Variants in EXPH5 observed in about 807,000 individuals in gnomAD.
EXPH5 encodes the protein exophilin-5.
Under a neutral mutation model 41.1 loss-of-function variants are expected in EXPH5, and 42 were observed. The ratio of observed to expected loss-of-function variants is 1.02; its 90% CI spans 0.80 to 1.32. The LOEUF (loss-of-function observed/expected upper bound fraction) is 1.32, where lower values mean the gene tolerates loss of function less well. Among genes scored for constraint, EXPH5 ranks in the 40% most tolerant of loss-of-function variants. The pLI is 0.00. For synonymous variants in EXPH5, 798 were observed against 833.5 expected (o/e 0.96, Z 0.73); for missense variants, 2,298 against 2,314.5 (o/e 0.99, Z 0.15).
chr11:108,604,365 C>T, the EXPH5 span, among the ~76,000 whole-genome samples: 1 of 152,050 alleles, frequency 6.6e-6, no homozygotes, highest in Non-Finnish European at 1.5e-5. Context: ...CACTGCATTC[C>T]AGCCTGGGTA....
At chr11:108,554,523 C>T (rs1453692634) in intron 1 of EXPH5, among the ~76,000 whole-genome samples, 1 of 152,108 alleles carries the variant, frequency 6.6e-6, no homozygotes, top group Admixed American at 6.6e-5. Flanking sequence ...GTCATTGTGA[C>T]CTGTGAAATG....
chr11:108,600,075 C>T, the EXPH5 span, among the ~76,000 whole-genome samples: 2 of 152,192 alleles, frequency 1.3e-5, no homozygotes, highest in Non-Finnish European at 2.9e-5. Flanking sequence ...CTTTCCTATG[C>T]TTTCCCTTCT....
Position 108,541,674 on chromosome 11 carries a change from T to C in EXPH5, c.258A>G (p.Leu86=), listed in dbSNP as rs1194859470. ...QMLKQPLTYR[L]SKEMAKNDPI... ...TACCATTTTTTGCCATCTCCTTACTTAGCCTGTATGTAAGTGGTTGTTTTA... is the reference window on the plus strand; with the variant it reads ...TACCATTTTTTGCCATCTCCTTACTCAGCCTGTATGTAAGTGGTTGTTTTA... The change falls in exon 2 of 6, where the codon CTA becomes CTG. Residue 86 remains leucine (L), a synonymous_variant. Transcript: ENST00000265843. 6 of 1,600,680 alleles carry C rather than the reference T, an allele frequency of 3.7e-6. No individual in the cohort carries two copies.
At chr11:108,593,268 G>T (rs2094132610) in intron 1 of EXPH5, 150 bp downstream of exon 1, 1 of 645,144 alleles carries the variant, frequency 1.6e-6, no homozygotes, top group Non-Finnish European at 2.8e-6. Flanking sequence ...GCAACTCCGC[G>T]CAGTTTTCTC....
chr11:108,514,011 G>C lies in EXPH5; in HGVS notation c.1496C>G (p.Ser499Ter). The change falls in exon 6 of 6, where the codon TCA (serine) becomes TGA (stop). Residue 499 changes from serine to a stop codon, truncating the protein, a stop_gained. Transcript: ENST00000265843. LOFTEE classifies it low-confidence loss of function (END_TRUNC). ...AAAGTCTCTGTCAGAAGAACTGAAT[G>C]ATTTCCTGCTTCGATGAAAGTCAGA... ...FWSDFHRSRK[S>*]FSSSDRDFEM... is the part of the protein sequence containing the mutation. The C allele has an allele frequency of 6.2e-7, 1 of 1,613,784 alleles. No homozygotes were observed. Among genetic ancestry groups the C allele is most frequent in the Non-Finnish European group, 8.5e-7 (1 of 1,179,878 alleles).
chr11:108,557,536 C>T (rs1164432738), intron 1 of EXPH5, among the ~76,000 whole-genome samples: 3 of 151,986 alleles, frequency 2.0e-5, no homozygotes, highest in African/African-American at 2.4e-5. Context: ...TTAGTGGATA[C>T]GGGGTTTTGG....
chr11:108,569,184 C>A (rs1201176760), intron 1 of EXPH5, among the ~76,000 whole-genome samples: 1 of 152,118 alleles, frequency 6.6e-6, no homozygotes, highest in African/African-American at 2.4e-5. Context: ...CCTTTATTCA[C>A]CTGTTACCTC....
At chr11:108,542,606 G>A (rs889240265) in intron 1 of EXPH5, among the ~76,000 whole-genome samples, 2 of 152,192 alleles carry the variant, frequency 1.3e-5, no homozygotes, top group African/African-American at 2.4e-5. Flanking sequence ...GGCCCAGGTA[G>A]GCAATGGATT....
intron 1 of EXPH5, among the ~76,000 whole-genome samples, chr11:108,586,758 G>A (rs2094114633): frequency 1.3e-5 from 2 of 151,098 alleles, no homozygotes; most frequent in South Asian, 4.2e-4. Flanking sequence ...TTGGGGTGCA[G>A]AGAATTTGGT....
At chr11:108,601,271 G>C in the EXPH5 span, among the ~76,000 whole-genome samples, 1 of 152,152 alleles carries the variant, frequency 6.6e-6, no homozygotes, top group Non-Finnish European at 1.5e-5. Context: ...TCACATGATG[G>C]TATGTATCAT....
chr11:108,595,141 C>T (rs1477608951), upstream of EXPH5, among the ~76,000 whole-genome samples: 2 of 152,178 alleles, frequency 1.3e-5, no homozygotes, highest in East Asian at 1.9e-4. Context: ...TATCAGTGAA[C>T]TGATTTCAAC....
At chr11:108,557,145 A>G (rs112640126) in intron 1 of EXPH5, among the ~76,000 whole-genome samples, 6 of 152,280 alleles carry the variant, frequency 3.9e-5, no homozygotes, top group African/African-American at 1.4e-4. Flanking sequence ...AAAATAGATT[A>G]TTCCTTCTCC....
intron 1 of EXPH5, among the ~76,000 whole-genome samples, chr11:108,581,121 T>C (rs2094096709): frequency 6.6e-6 from 1 of 152,024 alleles, no homozygotes; most frequent in African/African-American, 2.4e-5. Flanking sequence ...CCAGGCAACA[T>C]GGCGAAACCC....
Position 108,522,190 on chromosome 11 carries a change from ATT to A in EXPH5, c.493-3819_493-3818del, listed in dbSNP as rs548026475. 8.3e-3 allele frequency among the ~76,000 whole-genome samples: 1,219 copies of A among 146,130 alleles called. 16 individuals carry two copies. Among genetic ancestry groups the A allele is most frequent in the African/African-American group, 0.028 (1,144 of 40,182 alleles). ...TAACTCTGCAAGGGTGAGGTTAGTG[ATT>A]TTTTTTTTTTTTAAAAAAGGAACTG... is the stretch of plus-strand genomic sequence containing the variant. On this transcript the variant is annotated intron_variant, in intron 4 of 5. Transcript: ENST00000265843.
chr11:108,520,267 T>G (rs2093756781), intron 4 of EXPH5, among the ~76,000 whole-genome samples: 1 of 152,118 alleles, frequency 6.6e-6, no homozygotes, highest in Non-Finnish European at 1.5e-5. Context: ...TGCCTGATGA[T>G]CAGAGGTGGA....
At chr11:108,581,804 A>T (rs1025589627) in intron 1 of EXPH5, among the ~76,000 whole-genome samples, 1 of 152,164 alleles carries the variant, frequency 6.6e-6, no homozygotes, top group Non-Finnish European at 1.5e-5. Flanking sequence ...AATACCAGGA[A>T]TGAAAGAGGG....
chr11:108,595,771 G>A (rs1021281202), upstream of EXPH5, among the ~76,000 whole-genome samples: 1 of 152,200 alleles, frequency 6.6e-6, no homozygotes, highest in Admixed American at 6.5e-5. Flanking sequence ...TAGAAACACT[G>A]GGCTAGTGCT....
the EXPH5 span, among the ~76,000 whole-genome samples, chr11:108,604,984 CTT>C: frequency 6.6e-6 from 1 of 151,952 alleles, no homozygotes; most frequent in East Asian, 1.9e-4. Context: ...ATGGGACTGA[CTT>C]AGAAGGAATT....
chr11:108,604,739 G>C, the EXPH5 span, among the ~76,000 whole-genome samples: 1 of 152,116 alleles, frequency 6.6e-6, no homozygotes, highest in African/African-American at 2.4e-5. Flanking sequence ...ATGCCTGAGG[G>C]TCCTGAGACC....
Sources: allele counts gnomAD v4.1 joint callset (sites outside exome capture counted in the v4.1 genomes callset), GRCh38; gene constraint gnomAD v4.1.1; transcripts MANE v1.5; gene names NCBI Gene and HGNC (gene_info 2026-07-23, HGNC 2026-07-21).